Variants in PALLD observed in about 807,000 individuals in gnomAD.
PALLD encodes palladin.
PALLD carries 61 observed loss-of-function variants against 123.5 expected under a neutral mutation model. That is an observed-to-expected ratio of 0.49 (90% confidence interval 0.40 to 0.61). PALLD has a LOEUF of 0.61. Among genes scored for constraint, PALLD ranks in the 20% least tolerant of loss-of-function variants. The pLI, the probability that PALLD is intolerant of heterozygous loss-of-function variation, is 0.00. For missense variants in PALLD, 1,273 were observed against 1,377.0 expected, an observed-to-expected ratio of 0.92 and a Z score of 1.20; for synonymous variants, 465 against 496.4, an observed-to-expected ratio of 0.94 and a Z score of 0.84.
chr4:168,814,944 T>C (rs1581611205), intron 10 of PALLD, among the ~76,000 whole-genome samples: 1 of 152,286 alleles, frequency 6.6e-6, no homozygotes, highest in South Asian at 2.1e-4. Context: ...CTAATTTTTG[T>C]ATTTTTAGTA....
chr4:168,679,386 G>A (rs1472657431), intron 3 of PALLD, among the ~76,000 whole-genome samples: 2 of 129,648 alleles, frequency 1.5e-5, no homozygotes, highest in East Asian at 2.3e-4. Context: ...GTGTGTGTGT[G>A]TGTGTGGTGT....
At chr4:168,606,381 A>T (rs1479869101) in intron 2 of PALLD, among the ~76,000 whole-genome samples, 1 of 152,072 alleles carries the variant, frequency 6.6e-6, no homozygotes, top group Non-Finnish European at 1.5e-5. Context: ...TTCACTTAAG[A>T]TTAAGCTTCC....
intron 10 of PALLD, chr4:168,863,644 C>A (rs1749831134): frequency 6.6e-6 from 1 of 152,166 alleles, no homozygotes; most frequent in Non-Finnish European, 1.5e-5. Flanking sequence ...AAAAAGTTTC[C>A]TCTATGAGGT....
chr4:168,832,122 G>A, intron 10 of PALLD: 1 of 974,446 alleles, frequency 1.0e-6, no homozygotes, highest in South Asian at 4.7e-5. Context: ...GCTCCCGCTC[G>A]CTCCGGACGC....
chr4:168,796,901 A>T (rs1281767231), intron 10 of PALLD, among the ~76,000 whole-genome samples: 1 of 152,134 alleles, frequency 6.6e-6, no homozygotes, highest in African/African-American at 2.4e-5. Flanking sequence ...AGCAAAGTAC[A>T]TTTTGTTCTG....
At chr4:168,784,353 A>G (rs1380589890) in intron 10 of PALLD, among the ~76,000 whole-genome samples, 2 of 151,924 alleles carry the variant, frequency 1.3e-5, no homozygotes, top group Admixed American at 6.6e-5. Context: ...GAGAGAGAGA[A>G]AGAAAAGAAA....
At chr4:168,855,229 T>C (rs1748431487) in intron 10 of PALLD, among the ~76,000 whole-genome samples, 2 of 151,808 alleles carry the variant, frequency 1.3e-5, no homozygotes, top group African/African-American at 4.8e-5. Context: ...TAGCTGGGAT[T>C]ACAGGCACAT....
rs910886193 is a variant in PALLD at position 168,821,879 on chromosome 4, C to CAA, written c.1965-69022_1965-69021dup. Among the ~76,000 whole-genome samples, 791 of 58,018 alleles carry CAA rather than the reference C, an allele frequency of 0.014. 25 individuals carry two copies. In the East Asian group the frequency reaches 0.2, roughly 14 times the overall value. The allele number at this position is 58,018 out of a possible 152,430, so 38.1% of individuals were successfully genotyped here. A position where few individuals can be genotyped will look rare whatever the true frequency, so the allele number is the denominator to read the frequency against. The stretch of plus-strand genomic sequence containing the variant: ...TGGGCAACAGAGCAAAACGCTGTCT[C>CAA]AAAAAAAAAAAAAAAAAAAAAAGTT... On this transcript the variant is annotated intron_variant, in intron 10 of 21. Transcript: ENST00000505667.
At position 168,859,541 on chromosome 4, in the gene PALLD, G is replaced by A. The variant is rs558018794; in HGVS notation, c.1965-31381G>A. Among the ~76,000 whole-genome samples the A allele has an allele frequency of 2.0e-5, 3 of 152,314 alleles. No individual in the cohort carries two copies. The East Asian group carries it at 5.8e-4, about 29-fold the overall frequency. On this transcript the variant is annotated intron_variant, in intron 10 of 21. Transcript: ENST00000505667. ...TACTTGATGGGAAGTCAGCAAATAG[G>A]AAACTTGTAAAAAATTGGAGGACAA...
intron 10 of PALLD, among the ~76,000 whole-genome samples, chr4:168,718,203 A>G (rs1373787295): frequency 6.6e-6 from 1 of 152,200 alleles, no homozygotes; most frequent in African/African-American, 2.4e-5. Flanking sequence ...GTTAGGGTTC[A>G]AGATCTCACT....
intron 10 of PALLD, among the ~76,000 whole-genome samples, chr4:168,818,661 A>T (rs1742301383): frequency 6.6e-6 from 1 of 152,254 alleles, no homozygotes; most frequent in Non-Finnish European, 1.5e-5. Flanking sequence ...CTGAGGAAGT[A>T]ACTCAAAATG....
At chr4:168,574,083 T>C (rs1198405066) in intron 2 of PALLD, among the ~76,000 whole-genome samples, 1 of 152,040 alleles carries the variant, frequency 6.6e-6, no homozygotes, top group Admixed American at 6.6e-5. Context: ...AGTATAGTCA[T>C]GGAATGCTGG....
intron 15 of PALLD, among the ~76,000 whole-genome samples, chr4:168,910,705 T>C (rs1305987290): frequency 1.3e-5 from 2 of 152,086 alleles, no homozygotes; most frequent in Admixed American, 6.5e-5. Context: ...GAAGGAAACT[T>C]AGAAAGATTA....
At chr4:168,847,286 G>A (rs1053414403) in intron 10 of PALLD, among the ~76,000 whole-genome samples, 1 of 152,124 alleles carries the variant, frequency 6.6e-6, no homozygotes, top group South Asian at 2.1e-4. Context: ...TACACTATTT[G>A]CACTAATGAG....
chr4:168,630,492 C>T (rs186613264), intron 2 of PALLD, among the ~76,000 whole-genome samples: 7 of 152,254 alleles, frequency 4.6e-5, no homozygotes, highest in Admixed American at 2.0e-4. Context: ...ATAATAAATA[C>T]GAACTAAAGA....
At chr4:168,582,768 G>T (rs1770419744) in intron 2 of PALLD, among the ~76,000 whole-genome samples, 1 of 152,154 alleles carries the variant, frequency 6.6e-6, no homozygotes, top group Non-Finnish European at 1.5e-5. Flanking sequence ...ATCACAGGGA[G>T]AAATCTCACT....
chr4:168,792,645 G>A (rs900257580), intron 10 of PALLD, among the ~76,000 whole-genome samples: 2 of 151,952 alleles, frequency 1.3e-5, no homozygotes, highest in Non-Finnish European at 2.9e-5. Flanking sequence ...GGAACTCTAG[G>A]GACAAAGTTC....
intron 10 of PALLD, among the ~76,000 whole-genome samples, chr4:168,735,386 C>T (rs1787641385): frequency 1.3e-5 from 2 of 152,166 alleles, no homozygotes; most frequent in Admixed American, 1.3e-4. Flanking sequence ...AGAATACGTC[C>T]TTCACTTTCC....
chr4:168,670,709 T>C (rs1415719957), intron 3 of PALLD, among the ~76,000 whole-genome samples: 37 of 133,880 alleles, frequency 2.8e-4, no homozygotes, highest in Middle Eastern at 4.2e-3. Flanking sequence ...GTCCGCAGTC[T>C]GGCCTGGGCG....
Sources: gnomAD v4.1 joint callset for allele counts (sites outside exome capture counted in the v4.1 genomes callset) on GRCh38, gnomAD v4.1.1 for gene constraint, MANE v1.5 for transcripts, NCBI Gene and HGNC (gene_info 2026-07-23, HGNC 2026-07-21) for gene names.